NOS1: variants seen among roughly 807,000 people sequenced by gnomAD.
NOS1 encodes the protein NOS type I.
Under a neutral mutation model 164.5 loss-of-function variants are expected in NOS1, and 51 were observed. The ratio of observed to expected loss-of-function variants is 0.31; its 90% CI spans 0.25 to 0.39. The LOEUF is 0.39. Ranked by LOEUF, NOS1 falls within the 10% of genes least tolerant of loss-of-function variation. The pLI is 1.00. For synonymous variants in NOS1, 719 were observed against 745.8 expected (o/e 0.96, Z 0.59); for missense variants, 1,362 against 1,885.6 (o/e 0.72, Z 5.14).
chr12:117,254,994 C>G (rs1386879955), intron 16 of NOS1, among the ~76,000 whole-genome samples: 1 of 152,052 alleles, frequency 6.6e-6, no homozygotes. Context: ...AAATTAATAC[C>G]TAATGCTAAA....
In NOS1 at chr12:117,286,093, T is replaced by C; in HGVS notation, c.1290+11A>G. ...TAAGGGCTCTTCAAGGTATCTGACT[T>C]CACCACCTACCTGCAGCTTGGACCA... On this transcript the variant is annotated intron_variant, in intron 6 of 28. Coordinates refer to ENST00000317775, the MANE Select transcript of NOS1 (RefSeq NM_000620.5). The C allele has an allele frequency of 6.2e-7, 1 of 1,613,978 alleles. No individual in the cohort carries two copies. Among genetic ancestry groups the C allele is most frequent in the Non-Finnish European group, 8.5e-7 (1 of 1,179,928 alleles).
intron 2 of NOS1, among the ~76,000 whole-genome samples, chr12:117,328,449 G>A (rs1566078202): frequency 1.3e-5 from 2 of 152,222 alleles, no homozygotes; most frequent in East Asian, 1.9e-4. Flanking sequence ...GATTATAGGC[G>A]TGAGCCACCT....
rs111326073 is a variant in NOS1, at chr12:117,330,300, GCACACA to G, written c.725+39_725+44del. 3.8e-5 allele frequency: 56 copies of G among 1,492,102 alleles called. No individual in the cohort carries two copies. Among genetic ancestry groups the G allele is most frequent in the Admixed American group, 1.6e-4 (8 of 48,740 alleles). 92.4% of individuals were successfully genotyped at this position (1,492,102 alleles called of 1,614,324 possible). A position where few individuals can be genotyped will look rare whatever the true frequency, so the allele number is the denominator to read the frequency against. On this transcript the variant is annotated intron_variant, in intron 2 of 28. Transcript: ENST00000317775. This position sits in a 1 kb window ranked among gnomAD's most constrained non-coding sequence, Gnocchi z 4.6. ...GACGCACATGCACACACACAAGCAT[GCACACA>G]CACACACACACACACACACACACCC... is the stretch of plus-strand genomic sequence containing the variant.
chr12:117,242,143 T>A (rs1180784152), intron 20 of NOS1, among the ~76,000 whole-genome samples: 1 of 152,228 alleles, frequency 6.6e-6, no homozygotes, highest in Non-Finnish European at 1.5e-5. Context: ...ATATTGGATA[T>A]TAAGCTAATT....
At chr12:117,325,608 CTT>C in intron 2 of NOS1, among the ~76,000 whole-genome samples, 1 of 152,200 alleles carries the variant, frequency 6.6e-6, no homozygotes, top group Non-Finnish European at 1.5e-5. Flanking sequence ...CCAACTCTCT[CTT>C]GTATAAACAC....
chr12:117,209,273 G>C lies in NOS1; in HGVS notation c.*6036C>G. ...TCTGATGACATACTTGATTGTTACC[G>C]TTGGCAGGACACTGCTACAGGTATC... On this transcript the variant is annotated 3_prime_UTR_variant, in exon 29 of 29. Coordinates refer to ENST00000317775, the MANE Select transcript of NOS1 (RefSeq NM_000620.5). 7.2e-6 allele frequency: 7 copies of C among 968,868 alleles called. No homozygotes were observed. Among genetic ancestry groups the C allele is most frequent in the Non-Finnish European group, 8.6e-6 (7 of 814,780 alleles). 60.0% of individuals were successfully genotyped at this position (968,868 alleles called of 1,614,324 possible). A position where few individuals can be genotyped will look rare whatever the true frequency, so the allele number is the denominator to read the frequency against.
intron 17 of NOS1, among the ~76,000 whole-genome samples, chr12:117,251,993 A>C (rs1243941077): frequency 6.6e-6 from 1 of 152,144 alleles, no homozygotes; most frequent in Non-Finnish European, 1.5e-5. Context: ...TTGGCTTCCC[A>C]AAGTGCTGGG....
Position 117,234,730 on chromosome 12 carries a change from T to C in NOS1, c.3070A>G (p.Thr1024Ala). 1 of 1,613,356 alleles carries C rather than the reference T, an allele frequency of 6.2e-7. No individual in the cohort carries two copies. Among genetic ancestry groups the C allele is most frequent in the Non-Finnish European group, 8.5e-7 (1 of 1,179,542 alleles). Residue 1024 changes from threonine to alanine, a missense_variant, in exon 21 of 29, where the codon ACC becomes GCC. Around this residue, in one of 4 missense-constraint regions of NOS1, gnomAD observed 737 missense variants for 1,030.3 expected, o/e 0.72. Transcript: ENST00000317775. The surrounding 1 kb of genome is among the most constrained non-coding windows in gnomAD (Gnocchi z 4.3). Reference protein sequence around the residue: ...SRSTIFVRLHTNGSQELQYQP... With the variant: ...SRSTIFVRLHANGSQELQYQP... ...TACTGCAGCTCCTGGCTCCCGTTGGTGTGGAGACGCACGAAGATAGTTGAC... is the reference window on the plus strand; with the variant it reads ...TACTGCAGCTCCTGGCTCCCGTTGGCGTGGAGACGCACGAAGATAGTTGAC...
chr12:117,295,229 C>T (rs890201776), intron 3 of NOS1, among the ~76,000 whole-genome samples: 4 of 152,206 alleles, frequency 2.6e-5, no homozygotes, highest in African/African-American at 4.8e-5. Flanking sequence ...CTGCAGACGG[C>T]GTGGCCCACT....
intron 7 of NOS1, among the ~76,000 whole-genome samples, chr12:117,282,607 C>T (rs1873765480): frequency 6.6e-6 from 1 of 152,176 alleles, no homozygotes; most frequent in African/African-American, 2.4e-5. Flanking sequence ...GCATGTAATT[C>T]TGCTGGGGTG....
intron 10 of NOS1, among the ~76,000 whole-genome samples, chr12:117,268,502 G>C (rs1872580521): frequency 6.6e-6 from 1 of 151,934 alleles, no homozygotes; most frequent in African/African-American, 2.4e-5. Context: ...AAAGTGCTGG[G>C]ATTACAGGCG....
At chr12:117,225,176 C>T in intron 24 of NOS1, 39 bp from the exon 25 acceptor site, 2 of 1,576,946 alleles carry the variant, frequency 1.3e-6, no homozygotes, top group Middle Eastern at 1.7e-4. Flanking sequence ...TTGCAGAGCT[C>T]AAATCCAATC....
intron 11 of NOS1, among the ~76,000 whole-genome samples, chr12:117,266,729 G>A (rs1256618734): frequency 2.0e-5 from 3 of 151,876 alleles, no homozygotes; most frequent in South Asian, 4.2e-4. Context: ...AGCAGAGATG[G>A]GCTTCACCAT....
chr12:117,297,505 C>G lies in NOS1; in HGVS notation c.853-7079G>C, dbSNP rs557197714. Among the ~76,000 whole-genome samples, 93 of 152,286 alleles carry G rather than the reference C, an allele frequency of 6.1e-4. 1 individual carries two copies. Among genetic ancestry groups the G allele is most frequent in the African/African-American group, 2.1e-3 (89 of 41,560 alleles). On this transcript the variant is annotated intron_variant, in intron 3 of 28. Coordinates refer to ENST00000317775, the MANE Select transcript of NOS1 (RefSeq NM_000620.5). ...CTCATGGGTTCAAATGATTCTCCTG[C>G]CTCAGCCTCCTGAGTAGCTGGGATT...
chr12:117,350,025 G>A (rs953950060), intron 1 of NOS1, among the ~76,000 whole-genome samples: 3 of 151,886 alleles, frequency 2.0e-5, no homozygotes, highest in African/African-American at 7.3e-5. Flanking sequence ...ATGCCTGGCC[G>A]GCTGGTGTTA....
chr12:117,314,904 A>G (rs1874603834), intron 2 of NOS1, among the ~76,000 whole-genome samples: 1 of 152,152 alleles, frequency 6.6e-6, no homozygotes, highest in African/African-American at 2.4e-5. Flanking sequence ...CCTTTTTTAA[A>G]ACAGAGGTAG....
rs558517724 is a variant in NOS1 at position 117,211,805 on chromosome 12, C to A, written c.*3504G>T. ...CTTTGGCTGGGCGTGGTGGCTCATG[C>A]CTGTAATCCAGCACTTTGGGAGGCT... On this transcript the variant is annotated 3_prime_UTR_variant, in exon 29 of 29. Coordinates refer to ENST00000317775, the MANE Select transcript of NOS1 (RefSeq NM_000620.5). The A allele has an allele frequency of 4.1e-4, 401 of 985,286 alleles. No homozygotes were observed. Among genetic ancestry groups the A allele is most frequent in the Middle Eastern group, 1.0e-3 (2 of 1,914 alleles). 61.0% of individuals were successfully genotyped at this position (985,286 alleles called of 1,614,324 possible). A position where few individuals can be genotyped will look rare whatever the true frequency, so the allele number is the denominator to read the frequency against.
rs978952684 is a variant in NOS1 at position 117,272,677 on chromosome 12, G to A, written c.1665-118C>T. 3 of 921,378 alleles carry A rather than the reference G, an allele frequency of 3.3e-6. No individual in the cohort carries two copies. Among genetic ancestry groups the A allele is most frequent in the South Asian group, 3.6e-5 (2 of 55,232 alleles). 57.1% of individuals were successfully genotyped at this position (921,378 alleles called of 1,614,324 possible). A position where few individuals can be genotyped will look rare whatever the true frequency, so the allele number is the denominator to read the frequency against. On this transcript the variant is annotated intron_variant, in intron 9 of 28. Transcript: ENST00000317775. The surrounding 1 kb of genome is among the most constrained non-coding windows in gnomAD (Gnocchi z 4.3). ...CTGGGACTGACAAGGTCAGAATATG[G>A]TTCCTGGGCCCTGCTTCAGATCTGT...
chr12:117,283,056 A>ATATATAT (rs1360367568), intron 7 of NOS1, among the ~76,000 whole-genome samples: 83 of 92,950 alleles, frequency 8.9e-4, no homozygotes, highest in African/African-American at 2.9e-3. Flanking sequence ...ATATATATAT[A>ATATATAT]TTTTTTTTTT....
Sources: gnomAD v4.1 joint callset for allele counts (sites outside exome capture counted in the v4.1 genomes callset) on GRCh38, gnomAD v4.1.1 for gene constraint, gnomAD v4.1.1 regional missense constraint, Gnocchi (gnomAD v3.1) non-coding constraint, MANE v1.5 for transcripts, NCBI Gene and HGNC (gene_info 2026-07-23, HGNC 2026-07-21) for gene names.